The following SMYD3 variants were observed in gnomAD, a reference collection of about 807,000 sequenced individuals.
The protein encoded by SMYD3 is histone-lysine N-methyltransferase SMYD3.
SMYD3 carries 36 observed loss-of-function variants against 57.7 expected under a neutral mutation model. The ratio of observed to expected loss-of-function variants is 0.62; its 90% CI spans 0.48 to 0.82. SMYD3 has a LOEUF of 0.82. Ranked by LOEUF, SMYD3 falls within the 40% of genes least tolerant of loss-of-function variation. The pLI is 0.00. For synonymous variants in SMYD3, 211 were observed against 195.0 expected (o/e 1.08, Z -0.68); for missense variants, 515 against 538.8 (o/e 0.96, Z 0.44).
intron 5 of SMYD3, among the ~76,000 whole-genome samples, chr1:246,007,876 C>A (rs79883508): frequency 6.6e-6 from 1 of 150,562 alleles, no homozygotes; most frequent in Non-Finnish European, 1.5e-5. Context: ...TGTACTCAGA[C>A]GTGGGAAACA....
intron 1 of SMYD3, among the ~76,000 whole-genome samples, chr1:246,424,955 C>T (rs574325485): frequency 5.9e-5 from 9 of 152,034 alleles, no homozygotes; most frequent in Non-Finnish European, 7.4e-5. Context: ...CTTTACATAG[C>T]GATAATAGTA....
rs1052371346 is a variant in SMYD3, at chr1:246,324,818, G to C, written c.531+2383C>G. ...AAATGAGGAGAGGAGCAGTAGACTG[G>C]GATAAAAATCTCTGCCCAGGGATCT... On this transcript the variant is annotated intron_variant, in intron 5 of 11. Transcript: ENST00000490107. Among the ~76,000 whole-genome samples, 3 of 150,898 alleles carry C rather than the reference G, an allele frequency of 2.0e-5. No individual in the cohort carries two copies. The East Asian group carries it at 6.1e-4, about 31-fold the overall frequency.
At chr1:245,863,598 C>T (rs1189140314) in intron 9 of SMYD3, among the ~76,000 whole-genome samples, 1 of 152,184 alleles carries the variant, frequency 6.6e-6, no homozygotes. Context: ...TTATTATTCA[C>T]GCTGATTTTG....
At chr1:246,159,135 G>A (rs1297423719) in intron 5 of SMYD3, among the ~76,000 whole-genome samples, 1 of 152,078 alleles carries the variant, frequency 6.6e-6, no homozygotes, top group Admixed American at 6.5e-5. Flanking sequence ...ATTAAAAAAG[G>A]TTTTTCTAAA....
In SMYD3 at chr1:246,436,900, C is replaced by CTT. The variant is rs61263648; in HGVS notation, c.164+70152_164+70153dup. Among the ~76,000 whole-genome samples the CTT allele has an allele frequency of 6.0e-3, 775 of 128,404 alleles. 10 individuals carry two copies. The highest frequency in any genetic ancestry group is 0.016 in the African/African-American group (557 of 34,690). 84.2% of individuals were successfully genotyped at this position (128,404 alleles called of 152,430 possible). On this transcript the variant is annotated intron_variant, in intron 1 of 11. Coordinates refer to ENST00000490107, the MANE Select transcript of SMYD3 (RefSeq NM_001167740.2). ...ATAAGGGTCCTGCCAGAGTTTCTTTCTTTTTTTTTTTTTTTTTTGAGACAG... is the reference window on the plus strand; with the variant it reads ...ATAAGGGTCCTGCCAGAGTTTCTTTCTTTTTTTTTTTTTTTTTTTTGAGACAG...
At chr1:246,085,410 T>C (rs1452066404) in intron 5 of SMYD3, among the ~76,000 whole-genome samples, 1 of 152,046 alleles carries the variant, frequency 6.6e-6, no homozygotes, top group Admixed American at 6.6e-5. Context: ...AAAACAGACC[T>C]TCCCCCTCCC....
chr1:246,467,868 T>C (rs948609287), intron 1 of SMYD3, among the ~76,000 whole-genome samples: 2 of 152,138 alleles, frequency 1.3e-5, no homozygotes, highest in African/African-American at 4.8e-5. Flanking sequence ...CAACAAAATA[T>C]TTGTAAACCA....
At chr1:246,401,379 G>T (rs570825493) in intron 1 of SMYD3, among the ~76,000 whole-genome samples, 71 of 152,174 alleles carry the variant, frequency 4.7e-4, no homozygotes, top group African/African-American at 1.7e-3. Context: ...TGTGGCCCAG[G>T]CTGGAGTGCA....
chr1:246,108,124 A>G (rs1472029723), intron 5 of SMYD3, among the ~76,000 whole-genome samples: 1 of 152,214 alleles, frequency 6.6e-6, no homozygotes, highest in Non-Finnish European at 1.5e-5. Context: ...CTTCTTGTGC[A>G]AAGGAAGAAT....
chr1:246,035,846 G>C (rs1174417057), intron 5 of SMYD3, among the ~76,000 whole-genome samples: 2 of 152,110 alleles, frequency 1.3e-5, no homozygotes, highest in African/African-American at 2.4e-5. Flanking sequence ...GATTGTCCAG[G>C]TGTTTACTTG....
At chr1:246,153,321 A>G (rs1364399897) in intron 5 of SMYD3, among the ~76,000 whole-genome samples, 2 of 151,452 alleles carry the variant, frequency 1.3e-5, no homozygotes, top group African/African-American at 4.9e-5. Context: ...TCTGTCTCCT[A>G]CAGTCATAAC....
chr1:246,418,163 G>A (rs71638333), intron 1 of SMYD3, among the ~76,000 whole-genome samples: 1 of 152,230 alleles, frequency 6.6e-6, no homozygotes, highest in African/African-American at 2.4e-5. Context: ...GCCAGAGGGG[G>A]AGGAAAAATT....
At chr1:246,298,135 C>T (rs2064828369) in intron 5 of SMYD3, among the ~76,000 whole-genome samples, 1 of 151,874 alleles carries the variant, frequency 6.6e-6, no homozygotes. Flanking sequence ...CCTGCAGGTT[C>T]ACAGACAGTG....
chr1:246,180,232 A>G (rs1043308465), intron 5 of SMYD3, among the ~76,000 whole-genome samples: 3 of 147,322 alleles, frequency 2.0e-5, no homozygotes, highest in Non-Finnish European at 4.5e-5. Flanking sequence ...ATATATACAT[A>G]TATGTATATT....
intron 5 of SMYD3, among the ~76,000 whole-genome samples, chr1:246,281,665 A>C (rs1427885110): frequency 6.6e-6 from 1 of 152,230 alleles, no homozygotes; most frequent in Non-Finnish European, 1.5e-5. Flanking sequence ...ATACAAATGA[A>C]AATATTATTG....
intron 10 of SMYD3, among the ~76,000 whole-genome samples, chr1:245,853,496 G>C (rs1162552274): frequency 3.9e-5 from 6 of 152,208 alleles, no homozygotes; most frequent in African/African-American, 1.4e-4. Context: ...CAGGCCCAAA[G>C]CAAGCGCTGG....
chr1:246,205,677 G>A (rs537554069), intron 5 of SMYD3, among the ~76,000 whole-genome samples: 1 of 152,110 alleles, frequency 6.6e-6, no homozygotes, highest in East Asian at 1.9e-4. Flanking sequence ...AAAATTAGCT[G>A]GGCATGGTGG....
intron 5 of SMYD3, among the ~76,000 whole-genome samples, chr1:246,216,302 C>G (rs10924561): frequency 0.25 from 36,960 of 145,656 alleles, 5,529 homozygotes; most frequent in East Asian, 0.57. Flanking sequence ...AAAAAAAAAA[C>G]TCATAAGCAG....
intron 10 of SMYD3, among the ~76,000 whole-genome samples, chr1:245,848,708 G>T (rs370573732): frequency 6.6e-6 from 1 of 152,232 alleles, no homozygotes; most frequent in East Asian, 1.9e-4. Flanking sequence ...CACTGTGCTA[G>T]GCCCACAAAA....
Sources: allele counts gnomAD v4.1 joint callset (sites outside exome capture counted in the v4.1 genomes callset), GRCh38; gene constraint gnomAD v4.1.1; transcripts MANE v1.5; gene names NCBI Gene and HGNC (gene_info 2026-07-23, HGNC 2026-07-21).